The following RBFOX2 variants were observed in gnomAD, a reference collection of about 807,000 sequenced individuals.
RBFOX2 encodes RNA binding fox-1 homolog 2, also known as RNA binding protein fox-1 homolog 2.
In RBFOX2, 10 loss-of-function variants were observed where a neutral mutation model predicts 49.1. The ratio of observed to expected loss-of-function variants is 0.20; its 90% CI spans 0.13 to 0.35. The LOEUF (loss-of-function observed/expected upper bound fraction) is 0.35, where lower values mean the gene tolerates loss of function less well. Among genes scored for constraint, RBFOX2 ranks in the 10% least tolerant of loss-of-function variants. The probability of loss-of-function intolerance (pLI) is 1.00; values close to 1 mark genes in which losing one functional copy is unlikely to be tolerated. For synonymous variants in RBFOX2, 183 were observed against 187.4 expected (o/e 0.98, Z 0.19); for missense variants, 323 against 486.9 (o/e 0.66, Z 3.17).
At position 35,881,865 on chromosome 22, in the gene RBFOX2, A is replaced by G. The variant is rs143679546; in HGVS notation, c.-34+56982T>C. Among the ~76,000 whole-genome samples, 319 of 151,866 alleles carry G rather than the reference A, an allele frequency of 2.1e-3. 3 individuals are homozygous for G. In the East Asian group the frequency reaches 0.033, roughly 16 times the overall value. ...TCCCAGCTACTTGGGAGGCTGAGGC[A>G]GGAGAAATGCTTGAACCCGGGAGGC... is the stretch of plus-strand genomic sequence containing the variant. On this transcript the variant is annotated intron_variant, in intron 1 of 13. Transcript: ENST00000359369.
At chr22:35,936,022 A>C (rs2053019284) in intron 1 of RBFOX2, among the ~76,000 whole-genome samples, 1 of 152,064 alleles carries the variant, frequency 6.6e-6, no homozygotes, top group South Asian at 2.1e-4. Context: ...GATGGTTCTC[A>C]TCTATTTAGG....
intron 2 of RBFOX2, among the ~76,000 whole-genome samples, chr22:35,785,484 T>C (rs1051525394): frequency 2.6e-5 from 4 of 152,202 alleles, no homozygotes; most frequent in Admixed American, 2.0e-4. Context: ...CAACAGATTC[T>C]TCTAGGTGAC....
chr22:35,817,322 A>G (rs564682840), intron 1 of RBFOX2, among the ~76,000 whole-genome samples: 1 of 152,164 alleles, frequency 6.6e-6, no homozygotes, highest in African/African-American at 2.4e-5. Context: ...TACTAAAAAT[A>G]CAAAAACAGC....
intron 2 of RBFOX2, among the ~76,000 whole-genome samples, chr22:35,800,999 G>A (rs982983944): frequency 1.3e-5 from 2 of 152,120 alleles, no homozygotes; most frequent in African/African-American, 4.8e-5. Flanking sequence ...CTTGCTAAGA[G>A]GACTAGTGAA....
intron 1 of RBFOX2, among the ~76,000 whole-genome samples, chr22:35,884,055 G>A (rs1216876186): frequency 1.8e-5 from 2 of 113,536 alleles, no homozygotes. Flanking sequence ...TCTTGCTCAA[G>A]TTCTTGCTCT....
chr22:35,962,896 A>G (rs2056320103), upstream of RBFOX2, among the ~76,000 whole-genome samples: 3 of 151,962 alleles, frequency 2.0e-5, no homozygotes, highest in African/African-American at 7.3e-5. Flanking sequence ...TGTGACTCTG[A>G]AGGACAAAGT....
intron 1 of RBFOX2, among the ~76,000 whole-genome samples, chr22:35,955,549 G>A (rs1210481789): frequency 1.3e-5 from 2 of 151,554 alleles, no homozygotes; most frequent in Non-Finnish European, 2.9e-5. Flanking sequence ...TCCATGGGGG[G>A]TGGGGTAGGG....
chr22:35,955,532 T>C (rs2055442784), intron 1 of RBFOX2, among the ~76,000 whole-genome samples: 1 of 147,844 alleles, frequency 6.8e-6, no homozygotes, highest in Non-Finnish European at 1.5e-5. Context: ...TCATGGGAGA[T>C]AATTTTTCCA....
intron 1 of RBFOX2, among the ~76,000 whole-genome samples, chr22:35,981,467 C>A (rs1032517628): frequency 2.6e-5 from 4 of 151,898 alleles, no homozygotes; most frequent in African/African-American, 9.7e-5. Context: ...CATGGTAAAT[C>A]CTTATCTCTA....
intron 1 of RBFOX2, among the ~76,000 whole-genome samples, chr22:35,958,132 A>G (rs2055792978): frequency 6.6e-6 from 1 of 152,198 alleles, no homozygotes; most frequent in African/African-American, 2.4e-5. Context: ...AAAATAATAA[A>G]TTTTATTTTA....
chr22:35,957,074 T>C (rs1365623785), intron 1 of RBFOX2, among the ~76,000 whole-genome samples: 1 of 152,104 alleles, frequency 6.6e-6, no homozygotes. Context: ...GCATGTGTAG[T>C]GAGGTATGGG....
intron 7 of RBFOX2, 30 bp from the exon 9 acceptor site, chr22:35,761,324 G>GC (rs1335498353): frequency 1.2e-6 from 2 of 1,612,848 alleles, no homozygotes; most frequent in Non-Finnish European, 1.7e-6. Context: ...ATTTAAAAAT[G>GC]CAAGAAGATT....
At chr22:35,921,500 C>T (rs2051018887) in intron 1 of RBFOX2, among the ~76,000 whole-genome samples, 1 of 152,176 alleles carries the variant, frequency 6.6e-6, no homozygotes, top group African/African-American at 2.4e-5. Flanking sequence ...ATAAGACTTA[C>T]AAAGTCTTCT....
At chr22:35,805,016 G>A (rs962905077) in intron 2 of RBFOX2, among the ~76,000 whole-genome samples, 7 of 151,962 alleles carry the variant, frequency 4.6e-5, no homozygotes, top group African/African-American at 1.2e-4. Context: ...GGCTGGGCGC[G>A]GTGGCTCACG....
At chr22:35,969,162 C>A (rs989947173) in intron 1 of RBFOX2, among the ~76,000 whole-genome samples, 1 of 152,176 alleles carries the variant, frequency 6.6e-6, no homozygotes, top group African/African-American at 2.4e-5. Flanking sequence ...AAAAGAGGTA[C>A]CTGCCTGCCT....
chr22:35,761,335 A>G, intron 7 of RBFOX2, 41 bp from the exon 9 acceptor site: 1 of 1,612,928 alleles, frequency 6.2e-7, no homozygotes, highest in Non-Finnish European at 8.5e-7. Flanking sequence ...CAAGAAGATT[A>G]AAAAGGAGTC....
At chr22:35,969,806 T>C (rs986597899) in intron 1 of RBFOX2, among the ~76,000 whole-genome samples, 1 of 152,222 alleles carries the variant, frequency 6.6e-6, no homozygotes, top group African/African-American at 2.4e-5. Context: ...GGGTTTGGAA[T>C]TTATATATAA....
At chr22:35,751,485 A>G (rs1238881388) in intron 9 of RBFOX2, among the ~76,000 whole-genome samples, 1 of 152,166 alleles carries the variant, frequency 6.6e-6, no homozygotes, top group Non-Finnish European at 1.5e-5. Flanking sequence ...ATCTATTCCA[A>G]CTAGCGTGGG....
chr22:35,769,247 G>T (rs1238651001), intron 4 of RBFOX2, among the ~76,000 whole-genome samples: 3 of 152,138 alleles, frequency 2.0e-5, no homozygotes, highest in Non-Finnish European at 2.9e-5. Context: ...AGTGACATCA[G>T]TTGTACACTA....
Sources: gnomAD v4.1 joint callset for allele counts (sites outside exome capture counted in the v4.1 genomes callset) on GRCh38, gnomAD v4.1.1 for gene constraint, MANE v1.5 for transcripts, NCBI Gene and HGNC (gene_info 2026-07-23, HGNC 2026-07-21) for gene names.